Variants in DGKI observed in about 807,000 individuals in gnomAD.
DGKI encodes DAG kinase iota.
In DGKI, 55 loss-of-function variants were observed where a neutral mutation model predicts 147.5. That is an observed-to-expected ratio of 0.37 (90% CI 0.30 to 0.47). The LOEUF is 0.47. DGKI is among the 20% of genes least tolerant of loss of function. DGKI has a pLI of 1.00. For synonymous variants in DGKI, 469 were observed against 477.1 expected (o/e 0.98, Z 0.22); for missense variants, 1,007 against 1,323.8 (o/e 0.76, Z 3.71).
intron 1 of DGKI, among the ~76,000 whole-genome samples, chr7:137,766,877 C>G (rs1446177332): frequency 3.3e-5 from 5 of 152,144 alleles, no homozygotes; most frequent in Non-Finnish European, 2.9e-5. Flanking sequence ...GTGCACAGCC[C>G]CAGGAACAAG....
At chr7:137,396,570 C>T (rs759374150) in intron 31 of DGKI, among the ~76,000 whole-genome samples, 1 of 152,190 alleles carries the variant, frequency 6.6e-6, no homozygotes, top group Admixed American at 6.5e-5. Context: ...GGCATGTGGA[C>T]CAGCTCTATG....
chr7:137,559,062 CTTTTT>C (rs71177910), intron 19 of DGKI, among the ~76,000 whole-genome samples: 1 of 83,614 alleles, frequency 1.2e-5, no homozygotes, highest in African/African-American at 5.6e-5. Flanking sequence ...ACCTACAATT[CTTTTT>C]TTTTTTTTTT....
chr7:137,465,401 G>T (rs2128926310), intron 26 of DGKI, among the ~76,000 whole-genome samples: 1 of 152,298 alleles, frequency 6.6e-6, no homozygotes, highest in African/African-American at 2.4e-5. Context: ...GTATTTTACA[G>T]ATGAGAAAAT....
chr7:137,397,262 G>A lies in DGKI; in HGVS notation c.2957+115C>T, dbSNP rs967786190. 1.0e-5 allele frequency: 10 copies of A among 959,460 alleles called. No individual in the cohort carries two copies. The African/African-American group carries it at 1.5e-4, about 14-fold the overall frequency. 59.4% of individuals were successfully genotyped at this position (959,460 alleles called of 1,614,324 possible). A position where few individuals can be genotyped will look rare whatever the true frequency, so the allele number is the denominator to read the frequency against. On this transcript the variant is annotated intron_variant, in intron 31 of 32. Coordinates refer to ENST00000614521, the MANE Select transcript of DGKI (RefSeq NM_001321708.2). ...ACATTTATGAACAAAGTTGAAAGTG[G>A]ACTTTGAATTAATTAAGTTAAAATT...
chr7:137,508,618 C>G (rs1816459209), intron 21 of DGKI, among the ~76,000 whole-genome samples: 1 of 152,064 alleles, frequency 6.6e-6, no homozygotes, highest in Non-Finnish European at 1.5e-5. Flanking sequence ...TTCTCTGCCC[C>G]TTTGAGATGT....
intron 1 of DGKI, among the ~76,000 whole-genome samples, chr7:137,779,776 G>A (rs894321825): frequency 9.2e-5 from 14 of 152,160 alleles, no homozygotes; most frequent in Admixed American, 7.9e-4. Context: ...TTATAATAGA[G>A]TGGGGAGTGG....
chr7:137,414,330 T>C (rs923872931), intron 28 of DGKI, among the ~76,000 whole-genome samples: 6 of 152,004 alleles, frequency 3.9e-5, no homozygotes, highest in Admixed American at 1.3e-4. Context: ...AAGAGAAGAA[T>C]GGAGAAAAAT....
At chr7:137,638,521 TATATAC>T (rs1264810941) in intron 6 of DGKI, among the ~76,000 whole-genome samples, 2 of 120,606 alleles carry the variant, frequency 1.7e-5, no homozygotes, top group African/African-American at 6.8e-5. Flanking sequence ...TGTGTGTATA[TATATAC>T]ACACACATAT....
intron 6 of DGKI, among the ~76,000 whole-genome samples, chr7:137,628,890 G>GA (rs1172272802): frequency 3.3e-5 from 5 of 149,768 alleles, no homozygotes; most frequent in African/African-American, 4.9e-5. Context: ...GCTGAAACCA[G>GA]AAAAAAAAAG....
chr7:137,735,718 G>A (rs1166213217), intron 1 of DGKI, among the ~76,000 whole-genome samples: 1 of 152,008 alleles, frequency 6.6e-6, no homozygotes, highest in Non-Finnish European at 1.5e-5. Context: ...AGCAATTCTG[G>A]GAAGAAAGGA....
At chr7:137,602,741 T>C (rs1421686050) in intron 10 of DGKI, among the ~76,000 whole-genome samples, 2 of 152,120 alleles carry the variant, frequency 1.3e-5, no homozygotes, top group Non-Finnish European at 2.9e-5. Context: ...AGGAGAAGGG[T>C]AATTCATTTC....
chr7:137,524,930 G>A (rs2128954227), intron 20 of DGKI, among the ~76,000 whole-genome samples: 1 of 152,158 alleles, frequency 6.6e-6, no homozygotes, highest in Non-Finnish European at 1.5e-5. Flanking sequence ...CCCAATTTGG[G>A]GCTTACCAGT....
rs140039441 is a variant in DGKI at position 137,478,003 on chromosome 7, G to A, written c.2373+7371C>T. Among the ~76,000 whole-genome samples the A allele has an allele frequency of 3.9e-5, 6 of 152,280 alleles. No individual in the cohort carries two copies. In the East Asian group the frequency reaches 1.2e-3, roughly 29 times the overall value. The stretch of plus-strand genomic sequence containing the variant: ...CAACAATCCCCACATATGTATTCAT[G>A]TATGTCTATGTGCGTAACTTTGTAT... On this transcript the variant is annotated intron_variant, in intron 23 of 32. Transcript: ENST00000614521.
At chr7:137,667,877 T>C (rs55677286) in intron 3 of DGKI, among the ~76,000 whole-genome samples, 3,172 of 152,334 alleles carry the variant, frequency 0.021, 60 homozygotes, top group Non-Finnish European at 0.032. Context: ...TTTCATTTTT[T>C]AATGAGGACA....
intron 20 of DGKI, among the ~76,000 whole-genome samples, chr7:137,523,464 GAC>G: frequency 2.7e-5 from 4 of 147,848 alleles, no homozygotes; most frequent in African/African-American, 1.1e-4. Context: ...CACACACACA[GAC>G]AGAGAGAGAG....
At chr7:137,756,755 A>T (rs1234003156) in intron 1 of DGKI, among the ~76,000 whole-genome samples, 1 of 152,202 alleles carries the variant, frequency 6.6e-6, no homozygotes, top group Non-Finnish European at 1.5e-5. Flanking sequence ...AACTTGCCTC[A>T]GAGACTACAT....
At chr7:137,601,439 T>C (rs78135910) in intron 10 of DGKI, among the ~76,000 whole-genome samples, 228 of 152,352 alleles carry the variant, frequency 1.5e-3, no homozygotes, top group African/African-American at 5.2e-3. Context: ...GATATCGTAA[T>C]TGCTCTTTCT....
intron 1 of DGKI, among the ~76,000 whole-genome samples, chr7:137,796,630 C>G (rs1013459257): frequency 2.0e-5 from 3 of 151,862 alleles, no homozygotes; most frequent in Admixed American, 2.0e-4. Context: ...TAAAAAAGAG[C>G]CAAATAGAAA....
chr7:137,487,047 C>A (rs1200427472), intron 22 of DGKI, among the ~76,000 whole-genome samples: 1 of 152,048 alleles, frequency 6.6e-6, no homozygotes, highest in Non-Finnish European at 1.5e-5. Context: ...CCTGGCTTTG[C>A]TGGTGCAGTT....
Sources: allele counts gnomAD v4.1 joint callset (sites outside exome capture counted in the v4.1 genomes callset), GRCh38; gene constraint gnomAD v4.1.1; transcripts MANE v1.5; gene names NCBI Gene and HGNC (gene_info 2026-07-23, HGNC 2026-07-21).